The following SNIP1 variants were observed in gnomAD, a reference collection of about 807,000 sequenced individuals.
SNIP1 encodes the protein Smad nuclear interacting protein 1, also known as smad nuclear-interacting protein 1.
SNIP1 carries 23 observed loss-of-function variants against 37.4 expected under a neutral mutation model. The observed-to-expected ratio is 0.61, with a 90% CI of 0.44 to 0.87. SNIP1 has a LOEUF of 0.87. Ranked by LOEUF, SNIP1 falls within the 40% of genes least tolerant of loss-of-function variation. The pLI is 0.00. For synonymous variants in SNIP1, 174 were observed against 200.0 expected (o/e 0.87, Z 1.10); for missense variants, 459 against 540.4 (o/e 0.85, Z 1.49).
At chr1:37,548,738 AAAAAAG>A (rs1643269567) in intron 2 of SNIP1, 4 of 150,154 alleles carry the variant, frequency 2.7e-5, no homozygotes, top group African/African-American at 9.7e-5. Context: ...CGTCTCAAAA[AAAAAAG>A]AAAAAAAAAA....
rs768999759 is a variant in SNIP1, at chr1:37,554,095, A to C, written c.135T>G (p.Arg45=). ...ACGGGCTACCACCGGAGTGGTCCGG[A>C]CGGCGGTGGGCGGGAGGTGCGACTT... is the stretch of plus-strand genomic sequence containing the variant. ...SPEVAPPAHR[R]PDHSGGSPSP... is the part of the protein sequence containing the mutation. Residue 45 remains arginine (R), a synonymous_variant, in exon 1 of 4, where the codon CGT becomes CGG. Coordinates refer to ENST00000296215, the MANE Select transcript of SNIP1 (RefSeq NM_024700.4). 1 of 1,610,380 alleles carries C rather than the reference A, an allele frequency of 6.2e-7. No individual in the cohort carries two copies. The highest frequency in any genetic ancestry group is 8.5e-7 in the Non-Finnish European group (1 of 1,178,794).
In SNIP1 at chr1:37,535,062, AC is replaced by A. The variant is rs1329818443; in HGVS notation, c.*2685del. On this transcript the variant is annotated 3_prime_UTR_variant, in exon 4 of 4. Transcript: ENST00000296215. ...AAAGAAAGGGGTAAGGGAAAACAAG[AC>A]CAAAAAAAAAAAAAAACACCTTCTC... 3.2e-4 allele frequency: 44 copies of A among 137,488 alleles called. No individual in the cohort carries two copies. The highest frequency in any genetic ancestry group is 1.2e-3 in the African/African-American group (43 of 36,066). The allele number at this position is 137,488 out of a possible 1,614,324, so 8.5% of individuals were successfully genotyped here. A position where few individuals can be genotyped will look rare whatever the true frequency, so the allele number is the denominator to read the frequency against.
At chr1:37,544,621 C>T (rs1643209716) in intron 2 of SNIP1, 9 of 456,374 alleles carry the variant, frequency 2.0e-5, no homozygotes, top group South Asian at 1.8e-4. Context: ...TGGACGGAAC[C>T]AGGCACTCGT....
chr1:37,550,957 T>C (rs2148117388), intron 2 of SNIP1, among the ~76,000 whole-genome samples: 1 of 151,532 alleles, frequency 6.6e-6, no homozygotes, highest in South Asian at 2.1e-4. Flanking sequence ...TAGCTGGGCG[T>C]GGTGGTGGGC....
rs1410333832 is a variant in SNIP1 at position 37,536,052 on chromosome 1, T to C, written c.*1696A>G. 1 of 152,270 alleles carries C rather than the reference T, an allele frequency of 6.6e-6. No homozygotes were observed. The highest frequency in any genetic ancestry group is 1.5e-5 in the Non-Finnish European group (1 of 68,100). 9.4% of individuals were successfully genotyped at this position (152,270 alleles called of 1,614,324 possible). A position where few individuals can be genotyped will look rare whatever the true frequency, so the allele number is the denominator to read the frequency against. Reference sequence around the variant, plus strand: ...GTCTTGAACTCCTGACCTCAGATGATCTGCCCACCTCAGCCTCCGAAAGTG... The same window carrying C: ...GTCTTGAACTCCTGACCTCAGATGACCTGCCCACCTCAGCCTCCGAAAGTG... On this transcript the variant is annotated 3_prime_UTR_variant, in exon 4 of 4. Transcript: ENST00000296215.
At position 37,540,477 on chromosome 1, in the gene SNIP1, A is replaced by G; in HGVS notation, c.606T>C (p.Ser202=). The G allele has an allele frequency of 1.2e-6, 2 of 1,614,068 alleles. No homozygotes were observed. Among genetic ancestry groups the G allele is most frequent in the Non-Finnish European group, 1.7e-6 (2 of 1,180,004 alleles). The change falls in exon 3 of 4, where the codon TCT becomes TCC. Residue 202 remains serine, a synonymous_variant. Coordinates refer to ENST00000296215, the MANE Select transcript of SNIP1 (RefSeq NM_024700.4). This position sits in a 1 kb window ranked among gnomAD's most constrained non-coding sequence, Gnocchi z 5.6. The part of the protein sequence containing the change: ...RNDVGGGGSE[S]QELVPRPGGN... ...CACCAGGCCGAGGAACCAACTCCTG[A>G]GACTCACTGCCGCCACCACCAACGT... is the stretch of plus-strand genomic sequence containing the variant.
At chr1:37,549,719 T>G (rs1643280649) in intron 2 of SNIP1, among the ~76,000 whole-genome samples, 1 of 152,188 alleles carries the variant, frequency 6.6e-6, no homozygotes, top group South Asian at 2.1e-4. Context: ...GCCCAGACTT[T>G]TTAAAAATAG....
At chr1:37,538,508 C>CAA (rs35905865) in intron 3 of SNIP1, among the ~76,000 whole-genome samples, 2,502 of 57,368 alleles carry the variant, frequency 0.044, 167 homozygotes, top group Non-Finnish European at 0.059. Flanking sequence ...GACTCTGTCT[C>CAA]AAAAAAAAAA....
At position 37,540,459 on chromosome 1, in the gene SNIP1, C is replaced by A; in HGVS notation, c.624G>T (p.Arg208=). The A allele has an allele frequency of 6.2e-7, 1 of 1,614,120 alleles. No homozygotes were observed. Among genetic ancestry groups the A allele is most frequent in the Non-Finnish European group, 8.5e-7 (1 of 1,180,010 alleles). ...CTTTTTCTTTGTTGTTGCCACCAGG[C>A]CGAGGAACCAACTCCTGAGACTCAC... ...GGSESQELVP[R]PGGNNKEKEV... is the part of the protein sequence containing the mutation. The change falls in exon 3 of 4, where the codon CGG becomes CGT. Residue 208 remains arginine (R), a synonymous_variant. Transcript: ENST00000296215. The surrounding 1 kb of genome is among the most constrained non-coding windows in gnomAD (Gnocchi z 5.6).
chr1:37,540,752 G>T lies in SNIP1; in HGVS notation c.331C>A (p.Arg111Ser). ...CGTCCTCTCCGGGGATGATCCTCAC[G>T]CTCCTAAAATTCAAACAGATTCTGT... ...HHSTVKVKQEREDHPRRGRED... is the reference protein window; with the variant it reads ...HHSTVKVKQESEDHPRRGRED... The change falls in exon 3 of 4, where the codon CGT becomes AGT. Residue 111 changes from arginine (R) to serine (S), a missense_variant. Transcript: ENST00000296215. The surrounding 1 kb of genome is among the most constrained non-coding windows in gnomAD (Gnocchi z 5.6). 6.3e-7 allele frequency: 1 copy of T among 1,590,184 alleles called. No homozygotes were observed.
At position 37,535,683 on chromosome 1, in the gene SNIP1, G is replaced by C. The variant is rs1248902506; in HGVS notation, c.*2065C>G. On this transcript the variant is annotated 3_prime_UTR_variant, in exon 4 of 4. Transcript: ENST00000296215. The stretch of plus-strand genomic sequence containing the variant: ...CCCTCAAGAGAAAACCGTCAGTCTG[G>C]ATCAAGAGAAAAGTTCATCCAAACA... 6.6e-6 allele frequency: 1 copy of C among 152,056 alleles called. No individual in the cohort carries two copies. Among genetic ancestry groups the C allele is most frequent in the African/African-American group, 2.4e-5 (1 of 41,372 alleles). 9.4% of individuals were successfully genotyped at this position (152,056 alleles called of 1,614,324 possible).
At chr1:37,546,152 C>A (rs540535025) in intron 2 of SNIP1, among the ~76,000 whole-genome samples, 1,623 of 150,068 alleles carry the variant, frequency 0.011, 81 homozygotes, top group African/African-American at 0.039. Flanking sequence ...AAGACCCCCC[C>A]CCCCCCCGCT....
intron 2 of SNIP1, among the ~76,000 whole-genome samples, chr1:37,548,386 G>C (rs1380569067): frequency 1.3e-5 from 2 of 151,310 alleles, no homozygotes; most frequent in Non-Finnish European, 2.9e-5. Flanking sequence ...TGCGATCTTG[G>C]CTCACTGTAA....
chr1:37,539,073 G>C (rs1643135629), intron 3 of SNIP1, among the ~76,000 whole-genome samples: 1 of 152,150 alleles, frequency 6.6e-6, no homozygotes, highest in Admixed American at 6.6e-5. Context: ...ATCACCCCCA[G>C]ATGGGACCAT....
chr1:37,541,578 C>A (rs1643174765), intron 2 of SNIP1: 1 of 151,726 alleles, frequency 6.6e-6, no homozygotes, highest in Non-Finnish European at 1.5e-5. Flanking sequence ...AGGAGAATCG[C>A]TTGAACCTGG....
chr1:37,541,367 T>G (rs1245766649), intron 2 of SNIP1: 1 of 152,082 alleles, frequency 6.6e-6, no homozygotes, highest in Non-Finnish European at 1.5e-5. Flanking sequence ...AAGATAGCAA[T>G]GAAAATCAGC....
In SNIP1 at chr1:37,543,912, G is replaced by T. The variant is rs189144053; in HGVS notation, c.328-3157C>A. Among the ~76,000 whole-genome samples the T allele has an allele frequency of 3.0e-3, 461 of 152,026 alleles. 5 individuals are homozygous for T. The highest frequency in any genetic ancestry group is 8.1e-3 in the African/African-American group (337 of 41,470). ...TCCCAGCACTTTGGGAGGGCAAGGG[G>T]GGGGGCAGGTCACTTGAGGTCGGTC... On this transcript the variant is annotated intron_variant, in intron 2 of 3. Coordinates refer to ENST00000296215, the MANE Select transcript of SNIP1 (RefSeq NM_024700.4).
rs924902310 is a variant in SNIP1 at position 37,544,759 on chromosome 1, C to G, written c.328-4004G>C. On this transcript the variant is annotated intron_variant, in intron 2 of 3. Coordinates refer to ENST00000296215, the MANE Select transcript of SNIP1 (RefSeq NM_024700.4). Reference sequence around the variant, plus strand: ...ACCGCCGCACAGCCACCGTGGCCACCACCATGACGACTGCGCGTCCCCCTC... The same window carrying G: ...ACCGCCGCACAGCCACCGTGGCCACGACCATGACGACTGCGCGTCCCCCTC... 6 of 698,030 alleles carry G rather than the reference C, an allele frequency of 8.6e-6. No individual in the cohort carries two copies. In the African/African-American group the frequency reaches 8.7e-5, roughly 10 times the overall value. 43.2% of individuals were successfully genotyped at this position (698,030 alleles called of 1,614,324 possible). A position where few individuals can be genotyped will look rare whatever the true frequency, so the allele number is the denominator to read the frequency against.
Position 37,540,826 on chromosome 1 carries a change from T to G in SNIP1, c.328-71A>C, listed in dbSNP as rs550057290. 4 of 1,405,204 alleles carry G rather than the reference T, an allele frequency of 2.8e-6. No homozygotes were observed. The highest frequency in any genetic ancestry group is 1.4e-5 in the African/African-American group (1 of 69,940). The allele number at this position is 1,405,204 out of a possible 1,614,324, so 87.0% of individuals were successfully genotyped here. ...AAAGGCAGCCCAAATCTTGTTCTTT[T>G]TGAACGAAGTGCATGCAAAAAGTCT... On this transcript the variant is annotated intron_variant, in intron 2 of 3. Transcript: ENST00000296215. The surrounding 1 kb of genome is among the most constrained non-coding windows in gnomAD (Gnocchi z 5.6).
Sources: allele counts gnomAD v4.1 joint callset (sites outside exome capture counted in the v4.1 genomes callset), GRCh38; gene constraint gnomAD v4.1.1; non-coding constraint Gnocchi (gnomAD v3.1); transcripts MANE v1.5; gene names NCBI Gene and HGNC (gene_info 2026-07-23, HGNC 2026-07-21).